Variants in PCDHA4 observed in about 807,000 individuals in gnomAD.
PCDHA4 encodes the protein protocadherin alpha-4.
PCDHA4 carries 49 observed loss-of-function variants against 61.4 expected under a neutral mutation model. That is an observed-to-expected ratio of 0.80 (90% confidence interval 0.63 to 1.01). PCDHA4 has a LOEUF of 1.01. Among genes scored for constraint, PCDHA4 ranks in the 50% least tolerant of loss-of-function variants. PCDHA4 has a pLI of 0.00. For missense variants in PCDHA4, 1,254 were observed against 1,235.8 expected (o/e 1.01, Z -0.22); for synonymous variants, 590 against 550.3 (o/e 1.07, Z -1.01).
chr5:140,904,139 A>C (rs557435150), intron 1 of PCDHA4, among the ~76,000 whole-genome samples: 10 of 152,286 alleles, frequency 6.6e-5, no homozygotes, highest in African/African-American at 2.2e-4. Flanking sequence ...TCACCCGAGC[A>C]GTATACATTG....
At position 140,858,269 on chromosome 5, in the gene PCDHA4, A is replaced by T. The variant is rs367651349; in HGVS notation, c.2385+48697A>T. 8.2e-4 allele frequency: 1,313 copies of T among 1,596,554 alleles called. 103 individuals carry two copies. Among genetic ancestry groups the T allele is most frequent in the Non-Finnish European group, 9.6e-4 (1,118 of 1,166,912 alleles). On this transcript the variant is annotated intron_variant, in intron 1 of 3. Transcript: ENST00000530339. Reference sequence around the variant, plus strand: ...GGTGAAGCCCACGCTGGTGTGCTCTAGCGCGGTGGGGAGCTGGTCTTACTC... The same window carrying T: ...GGTGAAGCCCACGCTGGTGTGCTCTTGCGCGGTGGGGAGCTGGTCTTACTC...
intron 1 of PCDHA4, among the ~76,000 whole-genome samples, chr5:140,855,144 C>A (rs573799171): frequency 1.3e-5 from 2 of 149,748 alleles, no homozygotes; most frequent in South Asian, 4.2e-4. Context: ...CCTGATGAGC[C>A]AAATTTGGTA....
At chr5:140,835,585 T>G in intron 1 of PCDHA4, 1 of 1,613,922 alleles carries the variant, frequency 6.2e-7, no homozygotes, top group South Asian at 1.1e-5. Context: ...GTGTCCACCT[T>G]CAAGAATTAC....
chr5:140,828,141 C>G lies in PCDHA4; in HGVS notation c.2385+18569C>G, dbSNP rs2150151318. 1.2e-6 allele frequency: 2 copies of G among 1,613,956 alleles called. No homozygotes were observed. The highest frequency in any genetic ancestry group is 1.1e-5 in the South Asian group (1 of 91,042). On this transcript the variant is annotated intron_variant, in intron 1 of 3. Transcript: ENST00000530339. The stretch of plus-strand genomic sequence containing the variant: ...TTGGGAAAGCAATGTCTGCTCCTCC[C>G]GCTTCTGCTCCTCGCAGCCTGGAAG...
In PCDHA4 at chr5:140,807,948, A is replaced by T. The variant is rs1046867611; in HGVS notation, c.761A>T (p.Asn254Ile). ...ATTTATAAGGTGAGATTACTAGAAAATGTTCCTAATGGAACATTGGTAATT... is the reference window on the plus strand; with the variant it reads ...ATTTATAAGGTGAGATTACTAGAAATTGTTCCTAATGGAACATTGGTAATT... ...RTIYKVRLLENVPNGTLVIKL... is the reference protein window; with the variant it reads ...RTIYKVRLLEIVPNGTLVIKL... Residue 254 changes from asparagine (N) to isoleucine (I), a missense_variant, in exon 1 of 4, where the codon AAT becomes ATT. Asn to Ile is a moderately radical substitution (Grantham distance 149). Transcript: ENST00000530339. The T allele has an allele frequency of 1.2e-6, 2 of 1,614,124 alleles. No homozygotes were observed. Among genetic ancestry groups the T allele is most frequent in the Non-Finnish European group, 8.5e-7 (1 of 1,179,984 alleles).
In PCDHA4 at chr5:140,848,449, A is replaced by C. The variant is rs2150410589; in HGVS notation, c.2385+38877A>C. The C allele has an allele frequency of 8.6e-6, 13 of 1,509,804 alleles. 2 individuals are homozygous for C. In the Admixed American group the frequency reaches 2.4e-4, roughly 28 times the overall value. The allele number at this position is 1,509,804 out of a possible 1,614,324, so 93.5% of individuals were successfully genotyped here. On this transcript the variant is annotated intron_variant, in intron 1 of 3. Coordinates refer to ENST00000530339, the MANE Select transcript of PCDHA4 (RefSeq NM_018907.4). ...CTGACGAAATCAGATGATTTCTTCT[A>C]ATTTGGAGGCAATTTTCACTAATTA...
intron 3 of PCDHA4, among the ~76,000 whole-genome samples, chr5:140,998,072 C>T (rs1554256158): frequency 6.6e-6 from 1 of 152,168 alleles, no homozygotes; most frequent in African/African-American, 2.4e-5. Context: ...CAGACTTAGC[C>T]TCTGCAGTTG....
chr5:140,842,755 T>G, intron 1 of PCDHA4: 2 of 1,594,888 alleles, frequency 1.3e-6, no homozygotes, highest in South Asian at 2.2e-5. Flanking sequence ...TCACGGTGTC[T>G]GCGCGAGACG....
chr5:140,963,856 C>T lies in PCDHA4; in HGVS notation c.2386-15093C>T, dbSNP rs76429225. 1.1e-4 allele frequency among the ~76,000 whole-genome samples: 16 copies of T among 152,242 alleles called. No individual in the cohort carries two copies. The East Asian group carries it at 2.5e-3, about 24-fold the overall frequency. On this transcript the variant is annotated intron_variant, in intron 1 of 3. Coordinates refer to ENST00000530339, the MANE Select transcript of PCDHA4 (RefSeq NM_018907.4). ...TTTCTCATGTAATCATAATAATAAC[C>T]GTATGAGTTTTGCTTACTATTGTTT... is the stretch of plus-strand genomic sequence containing the variant.
chr5:140,981,468 G>A (rs1554242887), intron 2 of PCDHA4, among the ~76,000 whole-genome samples: 1 of 152,172 alleles, frequency 6.6e-6, no homozygotes, highest in Non-Finnish European at 1.5e-5. Context: ...CAGCTACTTG[G>A]GAGGCTGAGG....
At chr5:140,928,696 C>A in intron 1 of PCDHA4, 2 of 1,614,146 alleles carry the variant, frequency 1.2e-6, no homozygotes, top group South Asian at 2.2e-5. Flanking sequence ...CCACATCTCC[C>A]GGGCGTCTGA....
At chr5:140,972,096 A>G (rs2096519185) in intron 1 of PCDHA4, among the ~76,000 whole-genome samples, 1 of 152,168 alleles carries the variant, frequency 6.6e-6, no homozygotes. Context: ...AATTTCTGGC[A>G]TAGAAGCAGG....
At chr5:140,884,194 G>C in intron 1 of PCDHA4, 1 of 1,613,402 alleles carries the variant, frequency 6.2e-7, no homozygotes, top group Non-Finnish European at 8.5e-7. Flanking sequence ...AGGTGGACGC[G>C]CCGCACCACC....
rs115903226 is a variant in PCDHA4 at position 140,929,361 on chromosome 5, C to A, written c.2386-49588C>A. 4,899 of 1,519,562 alleles carry A rather than the reference C, an allele frequency of 3.2e-3. 25 individuals carry two copies. The highest frequency in any genetic ancestry group is 0.019 in the African/African-American group (1,394 of 71,916). 94.1% of individuals were successfully genotyped at this position (1,519,562 alleles called of 1,614,324 possible). On this transcript the variant is annotated intron_variant, in intron 1 of 3. Coordinates refer to ENST00000530339, the MANE Select transcript of PCDHA4 (RefSeq NM_018907.4). ...TTTATGGAATTTGATTCCTTTGGCC[C>A]GGAGATGGCTGCTAGCTGTGTTTTG...
At chr5:140,828,970 T>C in intron 1 of PCDHA4, 1 of 1,614,206 alleles carries the variant, frequency 6.2e-7, no homozygotes, top group Non-Finnish European at 8.5e-7. Flanking sequence ...TTGACCACTT[T>C]AGCATAGATC....
At chr5:140,857,857 C>A (rs1415276512) in intron 1 of PCDHA4, 1 of 1,597,670 alleles carries the variant, frequency 6.3e-7, no homozygotes, top group Non-Finnish European at 8.6e-7. Flanking sequence ...CTGGATACAA[C>A]GCGTGGCTGT....
At chr5:140,898,323 G>A (rs2066657733) in intron 1 of PCDHA4, among the ~76,000 whole-genome samples, 1 of 152,132 alleles carries the variant, frequency 6.6e-6, no homozygotes, top group Admixed American at 6.5e-5. Context: ...ATGGTTTTGG[G>A]TCTAACGTTT....
At chr5:140,835,695 A>G (rs2150242144) in intron 1 of PCDHA4, 2 of 1,613,712 alleles carry the variant, frequency 1.2e-6, no homozygotes, top group South Asian at 2.2e-5. Context: ...TCTGTGGGCC[A>G]CTGCTAGCGT....
intron 3 of PCDHA4, among the ~76,000 whole-genome samples, chr5:141,007,858 G>A (rs376865557): frequency 6.6e-6 from 1 of 152,116 alleles, no homozygotes; most frequent in African/African-American, 2.4e-5. Context: ...GTCCTTAAAG[G>A]TCTTTTCCTT....
Sources: gnomAD v4.1 joint callset for allele counts (sites outside exome capture counted in the v4.1 genomes callset) on GRCh38, gnomAD v4.1.1 for gene constraint, MANE v1.5 for transcripts, NCBI Gene and HGNC (gene_info 2026-07-23, HGNC 2026-07-21) for gene names.